GALNTL6: variants seen among roughly 807,000 people sequenced by gnomAD.
GALNTL6 encodes the protein polypeptide N-acetylgalactosaminyltransferase-like 6.
A neutral mutation model predicts 73.7 loss-of-function variants in GALNTL6; 46 were observed. The observed-to-expected ratio is 0.62, with a 90% CI of 0.49 to 0.80. The LOEUF (loss-of-function observed/expected upper bound fraction) is 0.80, where lower values mean the gene tolerates loss of function less well. Among genes scored for constraint, GALNTL6 ranks in the 30% least tolerant of loss-of-function variants. GALNTL6 has a pLI of 0.00. For missense variants in GALNTL6, 604 were observed against 755.0 expected (o/e 0.80, Z 2.34); for synonymous variants, 259 against 263.7 (o/e 0.98, Z 0.17).
chr4:172,616,853 C>T (rs1366831204), intron 5 of GALNTL6, among the ~76,000 whole-genome samples: 1 of 152,060 alleles, frequency 6.6e-6, no homozygotes, highest in Non-Finnish European at 1.5e-5. Flanking sequence ...AAACACAGGT[C>T]TCCACCTTTC....
intron 5 of GALNTL6, among the ~76,000 whole-genome samples, chr4:172,548,924 G>A (rs1735866168): frequency 6.6e-6 from 1 of 151,954 alleles, no homozygotes; most frequent in Admixed American, 6.6e-5. Flanking sequence ...AAATCTTAAT[G>A]TTGTTTCTCT....
At chr4:172,833,176 A>T (rs1036750301) in intron 7 of GALNTL6, among the ~76,000 whole-genome samples, 9 of 152,224 alleles carry the variant, frequency 5.9e-5, no homozygotes, top group African/African-American at 2.2e-4. Flanking sequence ...TGGCCGCAAG[A>T]CCAGACCATA....
At chr4:172,262,373 A>T (rs1738286982) in intron 3 of GALNTL6, among the ~76,000 whole-genome samples, 2 of 151,548 alleles carry the variant, frequency 1.3e-5, no homozygotes, top group South Asian at 4.1e-4. Context: ...TTTTATCATT[A>T]TATAATTTCC....
chr4:172,717,619 T>C (rs1735187812), intron 5 of GALNTL6, among the ~76,000 whole-genome samples: 2 of 152,174 alleles, frequency 1.3e-5, no homozygotes. Context: ...GCTACTACAA[T>C]TGCCAGCACT....
intron 5 of GALNTL6, among the ~76,000 whole-genome samples, chr4:172,573,642 C>G (rs1303220240): frequency 6.6e-6 from 1 of 152,056 alleles, no homozygotes; most frequent in Non-Finnish European, 1.5e-5. Flanking sequence ...AGGGTATTGG[C>G]CTGAAAAGGG....
intron 7 of GALNTL6, among the ~76,000 whole-genome samples, chr4:172,831,620 C>A (rs1029951553): frequency 2.0e-5 from 3 of 152,146 alleles, no homozygotes; most frequent in African/African-American, 7.2e-5. Context: ...CTGACAGGAA[C>A]CGGAACTGGA....
chr4:172,968,010 A>G (rs2126398911), intron 10 of GALNTL6, among the ~76,000 whole-genome samples: 1 of 152,298 alleles, frequency 6.6e-6, no homozygotes, highest in Middle Eastern at 3.4e-3. Flanking sequence ...TGCTAAAAGC[A>G]TGGCAACGCC....
intron 5 of GALNTL6, among the ~76,000 whole-genome samples, chr4:172,443,584 A>G (rs1332476925): frequency 6.6e-6 from 1 of 152,142 alleles, no homozygotes; most frequent in African/African-American, 2.4e-5. Context: ...GTAATATTAT[A>G]GCCCCTTTTT....
At chr4:171,863,146 A>G (rs533875646) in intron 2 of GALNTL6, among the ~76,000 whole-genome samples, 44 of 152,346 alleles carry the variant, frequency 2.9e-4, no homozygotes, top group African/African-American at 8.7e-4. Context: ...GTGAAATACC[A>G]GTCATTCAGG....
intron 3 of GALNTL6, among the ~76,000 whole-genome samples, chr4:172,296,461 G>A (rs1057097993): frequency 4.6e-5 from 7 of 151,990 alleles, no homozygotes; most frequent in Non-Finnish European, 1.0e-4. Context: ...TGCTGCACCC[G>A]TTAACTCATC....
intron 5 of GALNTL6, among the ~76,000 whole-genome samples, chr4:172,365,598 T>C (rs1351848345): frequency 1.3e-5 from 2 of 152,030 alleles, no homozygotes; most frequent in Non-Finnish European, 2.9e-5. Context: ...CATACTCCCT[T>C]AGCACTCATG....
chr4:172,748,560 G>A (rs923248900), intron 5 of GALNTL6, among the ~76,000 whole-genome samples: 1 of 151,934 alleles, frequency 6.6e-6, no homozygotes, highest in African/African-American at 2.4e-5. Flanking sequence ...TAAAAATGTT[G>A]AACTTACAGA....
In GALNTL6 at chr4:172,898,394, A is replaced by G. The variant is rs536872542; in HGVS notation, c.1041+15487A>G. Among the ~76,000 whole-genome samples, 4 of 151,908 alleles carry G rather than the reference A, an allele frequency of 2.6e-5. No homozygotes were observed. In the East Asian group the frequency reaches 7.7e-4, roughly 29 times the overall value. ...AATTACGATAACATATGAAGATGCT[A>G]ACCAAAAGAAAATAAAGAGCAAAAG... On this transcript the variant is annotated intron_variant, in intron 8 of 12. Transcript: ENST00000506823.
chr4:172,383,284 T>A (rs1312923253), intron 5 of GALNTL6, among the ~76,000 whole-genome samples: 6 of 152,166 alleles, frequency 3.9e-5, no homozygotes, highest in Non-Finnish European at 8.8e-5. Context: ...TTTCTGTAAC[T>A]TTTTTCAACA....
At chr4:172,624,737 A>G (rs937212148) in intron 5 of GALNTL6, among the ~76,000 whole-genome samples, 5 of 151,852 alleles carry the variant, frequency 3.3e-5, no homozygotes, top group Non-Finnish European at 7.4e-5. Context: ...GTTGGTCTGT[A>G]TTCATCACCT....
intron 2 of GALNTL6, among the ~76,000 whole-genome samples, chr4:172,188,663 T>A (rs1365825921): frequency 6.6e-6 from 1 of 152,206 alleles, no homozygotes; most frequent in Admixed American, 6.5e-5. Flanking sequence ...TAGATTACAC[T>A]ATCTGGGAAG....
chr4:172,156,059 T>A (rs1237800423), intron 2 of GALNTL6, among the ~76,000 whole-genome samples: 1 of 151,964 alleles, frequency 6.6e-6, no homozygotes, highest in Non-Finnish European at 1.5e-5. Context: ...AGCTACAGGC[T>A]GTTTTAACGA....
chr4:172,231,509 C>T (rs1358760198), intron 3 of GALNTL6, among the ~76,000 whole-genome samples: 3 of 152,068 alleles, frequency 2.0e-5, no homozygotes, highest in Non-Finnish European at 4.4e-5. Flanking sequence ...TATCATGGTC[C>T]ATTATACTCC....
At chr4:172,012,719 C>G (rs1403325348) in intron 2 of GALNTL6, among the ~76,000 whole-genome samples, 1 of 150,072 alleles carries the variant, frequency 6.7e-6, no homozygotes, top group East Asian at 2.0e-4. Flanking sequence ...CTCTTCTACT[C>G]CCCTATAATC....
Sources: allele counts gnomAD v4.1 joint callset (sites outside exome capture counted in the v4.1 genomes callset), GRCh38; gene constraint gnomAD v4.1.1; transcripts MANE v1.5; gene names NCBI Gene and HGNC (gene_info 2026-07-23, HGNC 2026-07-21).